MYO1D: variants seen among roughly 807,000 people sequenced by gnomAD.
MYO1D encodes myosin ID.
A neutral mutation model predicts 122.0 loss-of-function variants in MYO1D; 83 were observed. The observed-to-expected ratio is 0.68, with a 90% CI of 0.57 to 0.82. MYO1D has a LOEUF of 0.82. Among genes scored for constraint, MYO1D ranks in the 40% least tolerant of loss-of-function variants. MYO1D has a pLI of 0.00. For missense variants in MYO1D, 1,157 were observed against 1,269.5 expected (o/e 0.91, Z 1.35); for synonymous variants, 464 against 446.9 (o/e 1.04, Z -0.48).
At chr17:32,656,561 A>C (rs550083170) in intron 17 of MYO1D, among the ~76,000 whole-genome samples, 23 of 152,238 alleles carry the variant, frequency 1.5e-4, no homozygotes, top group Non-Finnish European at 3.4e-4. Flanking sequence ...GGCTGGCTGC[A>C]GTGAGGCAGG....
intron 20 of MYO1D, among the ~76,000 whole-genome samples, chr17:32,616,729 A>G (rs2087774136): frequency 6.6e-6 from 1 of 152,184 alleles, no homozygotes; most frequent in Non-Finnish European, 1.5e-5. Flanking sequence ...CCATAGAAAG[A>G]TAGAGGTCTA....
At chr17:32,750,533 T>C (rs2089888153) in intron 11 of MYO1D, among the ~76,000 whole-genome samples, 1 of 152,082 alleles carries the variant, frequency 6.6e-6, no homozygotes, top group South Asian at 2.1e-4. Flanking sequence ...GAGAATAGCA[T>C]GAACCTGGGA....
chr17:32,724,739 G>A (rs544202817), intron 14 of MYO1D, among the ~76,000 whole-genome samples: 1 of 152,288 alleles, frequency 6.6e-6, no homozygotes, highest in South Asian at 2.1e-4. Flanking sequence ...GGATGAAGTA[G>A]AAGGAGGCAG....
chr17:32,857,351 C>T (rs530188963), intron 1 of MYO1D, among the ~76,000 whole-genome samples: 16 of 152,154 alleles, frequency 1.1e-4, no homozygotes, highest in African/African-American at 3.4e-4. Context: ...TTTGGGAGGA[C>T]GAGGTGGGCA....
At chr17:32,733,387 T>C (rs1416571188) in intron 14 of MYO1D, among the ~76,000 whole-genome samples, 1 of 152,206 alleles carries the variant, frequency 6.6e-6, no homozygotes, top group Non-Finnish European at 1.5e-5. Context: ...AGTTTGAGGC[T>C]TTTTCAAGCT....
intron 16 of MYO1D, among the ~76,000 whole-genome samples, chr17:32,668,850 C>T (rs555740626): frequency 1.4e-4 from 21 of 151,954 alleles, no homozygotes; most frequent in Admixed American, 3.3e-4. Context: ...TACAGGTGCC[C>T]GCCACCACGC....
chr17:32,641,956 C>T (rs1437618823), intron 19 of MYO1D, among the ~76,000 whole-genome samples: 2 of 152,030 alleles, frequency 1.3e-5, no homozygotes, highest in Non-Finnish European at 2.9e-5. Flanking sequence ...TTTGTCAATT[C>T]TGGCTTTTGT....
intron 16 of MYO1D, among the ~76,000 whole-genome samples, chr17:32,703,258 C>T (rs1309009090): frequency 6.6e-6 from 1 of 152,066 alleles, no homozygotes; most frequent in Non-Finnish European, 1.5e-5. Context: ...CCAAATCCCC[C>T]AAATAAAAAC....
intron 21 of MYO1D, among the ~76,000 whole-genome samples, chr17:32,544,325 T>C (rs560149018): frequency 6.6e-6 from 1 of 152,036 alleles, no homozygotes; most frequent in African/African-American, 2.4e-5. Context: ...GGTCTTGAAC[T>C]CCTAGGTTCA....
chr17:32,625,797 T>G (rs984703692), intron 20 of MYO1D, among the ~76,000 whole-genome samples: 1 of 152,120 alleles, frequency 6.6e-6, no homozygotes, highest in Non-Finnish European at 1.5e-5. Context: ...TCCCAAAGTG[T>G]TGGGATTACA....
intron 11 of MYO1D, among the ~76,000 whole-genome samples, chr17:32,754,746 G>C (rs867091906): frequency 6.6e-6 from 1 of 152,178 alleles, no homozygotes; most frequent in African/African-American, 2.4e-5. Flanking sequence ...ACAAGACTAT[G>C]GGTAGGGAAG....
chr17:32,665,766 T>G (rs932229283), intron 16 of MYO1D, among the ~76,000 whole-genome samples: 1 of 152,204 alleles, frequency 6.6e-6, no homozygotes, highest in Non-Finnish European at 1.5e-5. Context: ...TGAACAGCCC[T>G]TAGAAGCTCT....
At chr17:32,667,030 T>C (rs1325085727) in intron 16 of MYO1D, among the ~76,000 whole-genome samples, 1 of 152,250 alleles carries the variant, frequency 6.6e-6, no homozygotes, top group African/African-American at 2.4e-5. Context: ...ATAACCCATA[T>C]GGTTATTTGG....
intron 21 of MYO1D, among the ~76,000 whole-genome samples, chr17:32,556,750 T>G (rs2087071702): frequency 6.6e-6 from 1 of 152,162 alleles, no homozygotes; most frequent in South Asian, 2.1e-4. Context: ...ATTCTTGAGC[T>G]TCACATTTAA....
chr17:32,837,575 A>C (rs568358053), intron 1 of MYO1D, among the ~76,000 whole-genome samples: 69 of 152,228 alleles, frequency 4.5e-4, no homozygotes, highest in African/African-American at 1.6e-3. Context: ...TTAAAGCTTT[A>C]TTTGTATCTA....
At chr17:32,837,443 G>C (rs1227737606) in intron 1 of MYO1D, among the ~76,000 whole-genome samples, 3 of 151,912 alleles carry the variant, frequency 2.0e-5, no homozygotes, top group Non-Finnish European at 4.4e-5. Flanking sequence ...TCTAACCACC[G>C]TTTAATGATT....
At chr17:32,842,886 CTTTT>C (rs34927176) in intron 1 of MYO1D, among the ~76,000 whole-genome samples, 1 of 104,454 alleles carries the variant, frequency 9.6e-6, no homozygotes, top group Admixed American at 1.1e-4. Context: ...CTATTTCTTT[CTTTT>C]TTTTTTTTTT....
chr17:32,787,599 A>G (rs991437068), intron 1 of MYO1D, among the ~76,000 whole-genome samples: 2 of 152,086 alleles, frequency 1.3e-5, no homozygotes, highest in Admixed American at 6.5e-5. Context: ...TTATATTTTT[A>G]GTAGAGACAG....
intron 16 of MYO1D, among the ~76,000 whole-genome samples, chr17:32,678,248 A>G (rs1306881290): frequency 8.8e-6 from 1 of 113,382 alleles, no homozygotes; most frequent in Non-Finnish European, 2.0e-5. Flanking sequence ...TCTCAAAAAT[A>G]TATTTCTTTT....
Sources: allele counts gnomAD v4.1 joint callset (sites outside exome capture counted in the v4.1 genomes callset), GRCh38; gene constraint gnomAD v4.1.1; transcripts MANE v1.5; gene names NCBI Gene and HGNC (gene_info 2026-07-23, HGNC 2026-07-21).